Variants in VPS35L observed in about 807,000 individuals in gnomAD.
VPS35L encodes VPS35 endosomal protein sorting factor like.
Under a neutral mutation model 133.0 loss-of-function variants are expected in VPS35L, and 83 were observed. The ratio of observed to expected loss-of-function variants is 0.62; its 90% CI spans 0.52 to 0.75. The LOEUF is 0.75. VPS35L is among the 30% of genes least tolerant of loss of function. VPS35L has a pLI of 0.00. For missense variants in VPS35L, 1,083 were observed against 1,206.8 expected, an observed-to-expected ratio of 0.90 and a Z score of 1.52; for synonymous variants, 423 against 449.9, an observed-to-expected ratio of 0.94 and a Z score of 0.76.
chr16:19,627,790 A>G lies in VPS35L; in HGVS notation c.1368A>G (p.Glu456=). Residue 456 remains glutamate, a synonymous_variant, in exon 16 of 31, where the codon GAA becomes GAG. Coordinates refer to ENST00000417362, the MANE Select transcript of VPS35L (RefSeq NM_020314.7). ...DFIGMIKECD[E]SGFPKHLLFR... is the part of the protein sequence containing the mutation. ...TTGGCATGATTAAAGAGTGTGATGA[A>G]TCTGGTTTCCCCAAGGTAGGCTCTT... The G allele has an allele frequency of 6.2e-7, 1 of 1,612,112 alleles. No individual in the cohort carries two copies. The highest frequency in any genetic ancestry group is 8.5e-7 in the Non-Finnish European group (1 of 1,178,146).
At position 19,678,059 on chromosome 16, in the gene VPS35L, C is replaced by T. The variant is rs527602993; in HGVS notation, c.2362-4166C>T. ...AGGATGTCTGCCCAGCCGCCATGCT[C>T]ACTGCCTTTCATCTTGGTTCTCCTA... On this transcript the variant is annotated intron_variant, in intron 27 of 30. Transcript: ENST00000417362. Among the ~76,000 whole-genome samples the T allele has an allele frequency of 3.3e-5, 5 of 152,344 alleles. No individual in the cohort carries two copies. In the South Asian group the frequency reaches 1.0e-3, roughly 32 times the overall value.
At chr16:19,683,663 T>A (rs1975363338) in intron 28 of VPS35L, among the ~76,000 whole-genome samples, 1 of 152,254 alleles carries the variant, frequency 6.6e-6, no homozygotes, top group Non-Finnish European at 1.5e-5. Flanking sequence ...AGTATTCCAT[T>A]GTGTGTATGT....
chr16:19,618,637 C>T (rs62024061), intron 14 of VPS35L, among the ~76,000 whole-genome samples: 13,712 of 152,138 alleles, frequency 0.09, 783 homozygotes, highest in East Asian at 0.22. Context: ...GCTCCGTTAA[C>T]AGCTGTTGTG....
chr16:19,610,865 G>A (rs1362439019), intron 12 of VPS35L, among the ~76,000 whole-genome samples: 1 of 152,100 alleles, frequency 6.6e-6, no homozygotes, highest in Admixed American at 6.5e-5. Context: ...GCCTGGCTTA[G>A]GTGGCTGCTG....
At chr16:19,606,594 A>G (rs1382433055) in intron 9 of VPS35L, among the ~76,000 whole-genome samples, 1 of 152,198 alleles carries the variant, frequency 6.6e-6, no homozygotes, top group Non-Finnish European at 1.5e-5. Context: ...AGAAGTACCT[A>G]GAGGTTTATC....
rs141643645 is a variant in VPS35L at position 19,620,924 on chromosome 16, C to T, written c.1224+4116C>T. On this transcript the variant is annotated intron_variant, in intron 14 of 30. Transcript: ENST00000417362. ...CAAGATCACACCAGTGCACTCCAGC[C>T]TGGGCGACAGAGCAAGACTCTGTCT... Among the ~76,000 whole-genome samples, 1,249 of 151,952 alleles carry T rather than the reference C, an allele frequency of 8.2e-3. 8 individuals carry two copies. Among genetic ancestry groups the T allele is most frequent in the Middle Eastern group, 0.024 (7 of 294 alleles).
At chr16:19,556,813 T>TG (rs1321439675) in intron 1 of VPS35L, among the ~76,000 whole-genome samples, 2 of 151,812 alleles carry the variant, frequency 1.3e-5, no homozygotes, top group African/African-American at 4.8e-5. Context: ...CCCTGAGGTT[T>TG]TTTTTTTTTT....
chr16:19,627,584 C>A (rs1567436182), intron 15 of VPS35L, 110 bp from the exon 16 acceptor site: 2 of 849,342 alleles, frequency 2.4e-6, no homozygotes, highest in Admixed American at 2.0e-5. Flanking sequence ...TTTTCCCCAA[C>A]CCTACCGCTA....
intron 12 of VPS35L, among the ~76,000 whole-genome samples, chr16:19,612,342 C>T (rs556448576): frequency 2.5e-4 from 38 of 152,284 alleles, no homozygotes; most frequent in African/African-American, 9.1e-4. Flanking sequence ...CAACCTCTGC[C>T]TCCTGGGTTC....
At chr16:19,572,571 A>T (rs1466111614) in intron 3 of VPS35L, among the ~76,000 whole-genome samples, 2 of 151,932 alleles carry the variant, frequency 1.3e-5, no homozygotes, top group Non-Finnish European at 2.9e-5. Context: ...CAGCATTTTA[A>T]CTCTTTGACA....
At chr16:19,567,576 G>A (rs987250842) in intron 2 of VPS35L, among the ~76,000 whole-genome samples, 1 of 152,070 alleles carries the variant, frequency 6.6e-6, no homozygotes, top group Non-Finnish European at 1.5e-5. Context: ...CCAATGGGAG[G>A]TGCTTCTCTC....
At chr16:19,560,311 AAC>A (rs1169776822) in intron 1 of VPS35L, among the ~76,000 whole-genome samples, 2 of 152,214 alleles carry the variant, frequency 1.3e-5, no homozygotes, top group Non-Finnish European at 2.9e-5. Context: ...AATAAATGAG[AAC>A]AGTCATTTGA....
intron 22 of VPS35L, 57 bp from the exon 23 acceptor site, chr16:19,644,829 C>A: frequency 7.7e-7 from 1 of 1,306,318 alleles, no homozygotes; most frequent in Non-Finnish European, 1.1e-6. Context: ...GTATTTTTTT[C>A]TTTAGAAACT....
chr16:19,589,067 C>T (rs1206655300), intron 7 of VPS35L, among the ~76,000 whole-genome samples: 1 of 152,042 alleles, frequency 6.6e-6, no homozygotes, highest in Non-Finnish European at 1.5e-5. Context: ...TTTGGGGTTT[C>T]CTTTTCTGTA....
Position 19,691,456 on chromosome 16 carries a change from C to T in VPS35L, c.2631C>T (p.Thr877=), listed in dbSNP as rs1294302669. ...VMAQILEHLK[T]LAKDEALKRQ... is the part of the protein sequence containing the mutation. ...CTCAGATCCTAGAGCATCTGAAAACCCTGGCCAAGGACGAGGTGGGTGCCC... is the reference window on the plus strand; with the variant it reads ...CTCAGATCCTAGAGCATCTGAAAACTCTGGCCAAGGACGAGGTGGGTGCCC... Residue 877 remains threonine (T), a synonymous_variant, in exon 29 of 31, where the codon ACC becomes ACT. Transcript: ENST00000417362. 6.2e-7 allele frequency: 1 copy of T among 1,613,686 alleles called. No individual in the cohort carries two copies. The highest frequency in any genetic ancestry group is 1.1e-5 in the South Asian group (1 of 91,070).
intron 8 of VPS35L, among the ~76,000 whole-genome samples, chr16:19,596,847 C>T (rs9928567): frequency 0.018 from 2,716 of 151,788 alleles, 94 homozygotes; most frequent in African/African-American, 0.063. Flanking sequence ...TGGTGAAACC[C>T]GTCTTTACTA....
intron 24 of VPS35L, among the ~76,000 whole-genome samples, chr16:19,648,530 GT>G (rs538109010): frequency 1.5e-3 from 229 of 152,086 alleles, no homozygotes; most frequent in African/African-American, 5.4e-3. Context: ...ACTTTTTATG[GT>G]GCCCTCAGAC....
At chr16:19,612,772 G>A (rs1354530748) in intron 12 of VPS35L, among the ~76,000 whole-genome samples, 1 of 152,160 alleles carries the variant, frequency 6.6e-6, no homozygotes, top group African/African-American at 2.4e-5. Context: ...TTTAATGTTT[G>A]AGATCAGGTA....
chr16:19,666,982 T>TCC lies in VPS35L; in HGVS notation c.2222-2178_2222-2177insCC, dbSNP rs61297379. On this transcript the variant is annotated intron_variant, in intron 26 of 30. Transcript: ENST00000417362. ...TTCCTTTCTTCCTTTCTTCCTTTCTTTCTTTCTTTCTTTTTTTTTGAGACA... is the reference window on the plus strand; with the variant it reads ...TTCCTTTCTTCCTTTCTTCCTTTCTTCCTCTTTCTTTCTTTTTTTTTGAGACA... Among the ~76,000 whole-genome samples, 78 of 150,468 alleles carry TCC rather than the reference T, an allele frequency of 5.2e-4. 1 individual carries two copies. The highest frequency in any genetic ancestry group is 1.9e-3 in the African/African-American group (77 of 40,370).
Sources: allele counts gnomAD v4.1 joint callset (sites outside exome capture counted in the v4.1 genomes callset), GRCh38; gene constraint gnomAD v4.1.1; transcripts MANE v1.5; gene names NCBI Gene and HGNC (gene_info 2026-07-23, HGNC 2026-07-21).